ELF1: variants seen among roughly 807,000 people sequenced by gnomAD.
The protein encoded by ELF1 is ETS-related transcription factor Elf-1.
Under a neutral mutation model 59.9 loss-of-function variants are expected in ELF1, and 24 were observed. That is an observed-to-expected ratio of 0.40 (90% CI 0.29 to 0.56). ELF1 has a LOEUF of 0.56. ELF1 is among the 20% of genes least tolerant of loss of function. ELF1 has a pLI of 0.44. For synonymous variants in ELF1, 248 were observed against 266.2 expected, an observed-to-expected ratio of 0.93 and a Z score of 0.67; for missense variants, 627 against 742.2, an observed-to-expected ratio of 0.84 and a Z score of 1.80.
At chr13:40,996,599 C>T (rs973441775) in intron 1 of ELF1, among the ~76,000 whole-genome samples, 1 of 152,150 alleles carries the variant, frequency 6.6e-6, no homozygotes, top group Non-Finnish European at 1.5e-5. Context: ...CTATGAACTT[C>T]AAGTGACAAA....
intron 1 of ELF1, among the ~76,000 whole-genome samples, chr13:40,992,420 T>C (rs1269590448): frequency 6.6e-6 from 1 of 152,226 alleles, no homozygotes; most frequent in Non-Finnish European, 1.5e-5. Context: ...AATCTGTTTA[T>C]TATTCTAAAA....
intron 1 of ELF1, among the ~76,000 whole-genome samples, chr13:40,996,505 T>G (rs1428458408): frequency 6.6e-6 from 1 of 152,184 alleles, no homozygotes; most frequent in African/African-American, 2.4e-5. Context: ...CAAAAAGACA[T>G]GTGGAAACTT....
chr13:40,967,231 G>T (rs541319407), intron 2 of ELF1, among the ~76,000 whole-genome samples: 1 of 152,096 alleles, frequency 6.6e-6, no homozygotes, highest in Non-Finnish European at 1.5e-5. Flanking sequence ...ATTACAACAC[G>T]ATCTGACAGT....
chr13:41,005,450 CAAAA>C (rs11383900), intron 1 of ELF1, among the ~76,000 whole-genome samples: 1 of 55,002 alleles, frequency 1.8e-5, no homozygotes, highest in Non-Finnish European at 3.4e-5. Context: ...TATACCTATC[CAAAA>C]AAAAAAAAAA....
intron 8 of ELF1, among the ~76,000 whole-genome samples, chr13:40,935,526 GAC>G (rs1869706162): frequency 6.6e-6 from 1 of 152,180 alleles, no homozygotes; most frequent in Admixed American, 6.5e-5. Context: ...TGGGAATAAA[GAC>G]ACAGGATGAC....
In ELF1 at chr13:40,935,705, G is replaced by A. The variant is rs369912775; in HGVS notation, c.1257-1677C>T. 2.0e-4 allele frequency among the ~76,000 whole-genome samples: 29 copies of A among 147,212 alleles called. 1 individual carries two copies. The highest frequency in any genetic ancestry group is 7.0e-4 in the African/African-American group (28 of 39,778). On this transcript the variant is annotated intron_variant, in intron 8 of 8. Coordinates refer to ENST00000239882, the MANE Select transcript of ELF1 (RefSeq NM_172373.4). ...TTTTTTTTTTTTGAGATGGAGTCTC[G>A]CTCTGTTGCCCAGGCTGGAGTGCAG...
At chr13:40,971,959 G>T (rs975967598) in intron 2 of ELF1, among the ~76,000 whole-genome samples, 1 of 146,260 alleles carries the variant, frequency 6.8e-6, no homozygotes, top group Non-Finnish European at 1.5e-5. Flanking sequence ...TTGGGGGGGG[G>T]TATAGTAAAT....
At chr13:41,039,134 T>A (rs1287368745) in intron 1 of ELF1, among the ~76,000 whole-genome samples, 1 of 151,770 alleles carries the variant, frequency 6.6e-6, no homozygotes, top group Non-Finnish European at 1.5e-5. Context: ...GTACAGTGGC[T>A]CACATCTGTA....
At chr13:40,960,746 A>G (rs1366281357) in intron 2 of ELF1, among the ~76,000 whole-genome samples, 2 of 152,172 alleles carry the variant, frequency 1.3e-5, no homozygotes, top group East Asian at 3.8e-4. Flanking sequence ...ATTAATTTTG[A>G]TCACTTAGTT....
chr13:41,016,158 T>C (rs906424544), intron 1 of ELF1, among the ~76,000 whole-genome samples: 2 of 152,198 alleles, frequency 1.3e-5, no homozygotes, highest in African/African-American at 4.8e-5. Flanking sequence ...AAGCCCTGTT[T>C]TCCCAACAGG....
intron 1 of ELF1, among the ~76,000 whole-genome samples, chr13:40,991,585 C>T (rs1298397564): frequency 1.3e-5 from 2 of 152,046 alleles, no homozygotes; most frequent in Admixed American, 1.3e-4. Flanking sequence ...CCCGTTACCA[C>T]CTTTTATTAA....
At chr13:41,022,726 G>C (rs4457871), upstream of ELF1, among the ~76,000 whole-genome samples, 406 of 152,142 alleles carry the variant, frequency 2.7e-3, 7 homozygotes, top group East Asian at 0.049. Context: ...TAAAAATACG[G>C]ATATTAGCCA....
At chr13:40,944,525 T>C (rs1314386955) in intron 5 of ELF1, among the ~76,000 whole-genome samples, 4 of 152,210 alleles carry the variant, frequency 2.6e-5, no homozygotes, top group Non-Finnish European at 5.9e-5. Context: ...TTTCTGTACC[T>C]TTCAATTCAC....
intron 5 of ELF1, 21 bp from the exon 6 acceptor site, chr13:40,943,946 C>A (rs556937301): frequency 2.9e-5 from 46 of 1,608,202 alleles, no homozygotes; most frequent in African/African-American, 2.1e-4. Context: ...AACAGCTCTG[C>A]ATAAATATTT....
At chr13:40,983,184 T>C (rs553065178) in intron 1 of ELF1, among the ~76,000 whole-genome samples, 15 of 152,216 alleles carry the variant, frequency 9.9e-5, no homozygotes, top group Non-Finnish European at 1.8e-4. Flanking sequence ...CAAATGATTA[T>C]GGCCTGAAAA....
chr13:40,954,420 G>GCTCTCCCTCTCC (rs71200146), intron 3 of ELF1, among the ~76,000 whole-genome samples: 1 of 148,258 alleles, frequency 6.7e-6, no homozygotes, highest in Non-Finnish European at 1.5e-5. Context: ...AAAGTGTGTA[G>GCTCTCCCTCTCC]CTCTCCCTCT....
chr13:40,941,794 A>C (rs560510351), intron 7 of ELF1, among the ~76,000 whole-genome samples: 101 of 152,126 alleles, frequency 6.6e-4, no homozygotes, highest in Non-Finnish European at 9.3e-4. Context: ...AGTAGCTGGG[A>C]CCACAGGCGC....
In ELF1 at chr13:40,951,448, T is replaced by C. The variant is rs775720914; in HGVS notation, c.254-12A>G. On this transcript the variant is annotated splice_polypyrimidine_tract_variant and intron_variant, in intron 3 of 8. Transcript: ENST00000239882. The stretch of plus-strand genomic sequence containing the variant: ...ACAAGAAGCTTCAACTGCAACACAT[T>C]TAAAGAGAAAATTAAATTAACTACG... 1 of 1,611,204 alleles carries C rather than the reference T, an allele frequency of 6.2e-7. No individual in the cohort carries two copies. The highest frequency in any genetic ancestry group is 8.5e-7 in the Non-Finnish European group (1 of 1,177,952).
chr13:41,012,312 C>CAAAA (rs56791748), intron 1 of ELF1, among the ~76,000 whole-genome samples: 7 of 65,036 alleles, frequency 1.1e-4, no homozygotes, highest in African/African-American at 3.6e-4. Flanking sequence ...GACTCTGTCT[C>CAAAA]AAAAAAAAAA....
Sources: gnomAD v4.1 joint callset for allele counts (sites outside exome capture counted in the v4.1 genomes callset) on GRCh38, gnomAD v4.1.1 for gene constraint, MANE v1.5 for transcripts, NCBI Gene and HGNC (gene_info 2026-07-23, HGNC 2026-07-21) for gene names.